Variants in ADAMTSL1 observed in about 807,000 individuals in gnomAD.
ADAMTSL1 encodes ADAMTS like 1.
ADAMTSL1 carries 126 observed loss-of-function variants against 201.8 expected under a neutral mutation model. The observed-to-expected ratio is 0.62, with a 90% CI of 0.54 to 0.72. The LOEUF (loss-of-function observed/expected upper bound fraction) is 0.72, where lower values mean the gene tolerates loss of function less well. Among genes scored for constraint, ADAMTSL1 ranks in the 30% least tolerant of loss-of-function variants. The pLI is 0.00. For missense variants in ADAMTSL1, 2,679 were observed against 2,277.8 expected, an observed-to-expected ratio of 1.18 and a Z score of -3.59; for synonymous variants, 1,121 against 903.4, an observed-to-expected ratio of 1.24 and a Z score of -4.32.
rs570297179 is a variant in ADAMTSL1, at chr9:18,190,979, C to G, written c.207+26998C>G. On this transcript the variant is annotated intron_variant, in intron 2 of 29. Coordinates refer to the ADAMTSL1 transcript ENST00000680146. ...GGTGTCAAAATAATCCAAATTTCCA[C>G]AAGAAATCTAGAATGATGTTACAAG... Among the ~76,000 whole-genome samples the G allele has an allele frequency of 5.3e-5, 8 of 152,262 alleles. 1 individual carries two copies. The South Asian group carries it at 1.7e-3, about 32-fold the overall frequency.
At chr9:18,688,845 T>A (rs1014145475) in intron 13 of ADAMTSL1, among the ~76,000 whole-genome samples, 5 of 150,416 alleles carry the variant, frequency 3.3e-5, no homozygotes, top group African/African-American at 1.2e-4. Flanking sequence ...CTACAATTAC[T>A]AAGACTCTGG....
chr9:18,538,672 C>T (rs982948422), intron 3 of ADAMTSL1, among the ~76,000 whole-genome samples: 6 of 152,118 alleles, frequency 3.9e-5, no homozygotes, highest in East Asian at 1.9e-4. Flanking sequence ...ATTGACCATC[C>T]ATCTTGACTG....
At chr9:18,117,847 A>G (rs1197760997) in intron 1 of ADAMTSL1, among the ~76,000 whole-genome samples, 10 of 152,170 alleles carry the variant, frequency 6.6e-5, no homozygotes, top group African/African-American at 2.2e-4. Context: ...TTCTAATAAA[A>G]CCATGCATAG....
At chr9:18,180,266 G>A (rs565101355) in intron 2 of ADAMTSL1, among the ~76,000 whole-genome samples, 57 of 152,310 alleles carry the variant, frequency 3.7e-4, no homozygotes, top group Admixed American at 3.2e-3. Context: ...GGGCACGGTG[G>A]CTCACGCCTG....
intron 2 of ADAMTSL1, among the ~76,000 whole-genome samples, chr9:18,376,567 G>A (rs991227645): frequency 2.0e-5 from 3 of 152,224 alleles, no homozygotes; most frequent in African/African-American, 7.2e-5. Flanking sequence ...CACTTTGGGA[G>A]GCCGAGGTGG....
chr9:18,322,674 G>A (rs981348944), intron 2 of ADAMTSL1, among the ~76,000 whole-genome samples: 3 of 151,868 alleles, frequency 2.0e-5, no homozygotes, highest in Admixed American at 6.6e-5. Flanking sequence ...AAGAAAAACC[G>A]TTAGCAATAC....
intron 2 of ADAMTSL1, among the ~76,000 whole-genome samples, chr9:18,451,267 G>C (rs913375721): frequency 6.6e-6 from 1 of 151,984 alleles, no homozygotes; most frequent in Non-Finnish European, 1.5e-5. Context: ...CAATGTAAAG[G>C]GCATACTAGT....
intron 8 of ADAMTSL1, among the ~76,000 whole-genome samples, chr9:18,658,147 T>TGTATTTTTA (rs1428660667): frequency 6.6e-6 from 1 of 152,174 alleles, no homozygotes; most frequent in Non-Finnish European, 1.5e-5. Context: ...GCTAATTTTT[T>TGTATTTTTA]GTATTTTTAG....
chr9:18,889,079 C>A (rs1308742673), intron 24 of ADAMTSL1, among the ~76,000 whole-genome samples: 3 of 152,194 alleles, frequency 2.0e-5, no homozygotes, highest in Non-Finnish European at 4.4e-5. Flanking sequence ...TGTAAATAAG[C>A]ACTCTCTGCA....
intron 20 of ADAMTSL1, among the ~76,000 whole-genome samples, chr9:18,805,994 C>T (rs904161141): frequency 2.6e-5 from 4 of 152,198 alleles, no homozygotes; most frequent in African/African-American, 9.6e-5. Flanking sequence ...CCTAAACTGC[C>T]TTAGCCAAAC....
At chr9:18,663,512 T>G (rs562433293) in intron 9 of ADAMTSL1, among the ~76,000 whole-genome samples, 1 of 152,296 alleles carries the variant, frequency 6.6e-6, no homozygotes, top group African/African-American at 2.4e-5. Context: ...GATTTCATTT[T>G]AAAATTATTC....
intron 2 of ADAMTSL1, among the ~76,000 whole-genome samples, chr9:18,199,488 C>A (rs1030397405): frequency 5.3e-5 from 8 of 151,886 alleles, no homozygotes; most frequent in Non-Finnish European, 8.8e-5. Flanking sequence ...TAATATAGGG[C>A]AATGAAAGAA....
intron 2 of ADAMTSL1, among the ~76,000 whole-genome samples, chr9:18,170,991 A>C (rs1301572716): frequency 1.3e-5 from 2 of 152,138 alleles, no homozygotes; most frequent in Non-Finnish European, 2.9e-5. Flanking sequence ...AAATGGAGAG[A>C]TATAAAATGT....
intron 1 of ADAMTSL1, among the ~76,000 whole-genome samples, chr9:18,046,128 G>C (rs1349773547): frequency 6.6e-6 from 1 of 152,184 alleles, no homozygotes; most frequent in Non-Finnish European, 1.5e-5. Context: ...GGAATGGCAA[G>C]TTGAGGCTAA....
chr9:18,233,511 G>C (rs1276467543), intron 2 of ADAMTSL1, among the ~76,000 whole-genome samples: 2 of 152,084 alleles, frequency 1.3e-5, no homozygotes, highest in African/African-American at 4.8e-5. Flanking sequence ...TCGGATGCCT[G>C]CTGTATGCCA....
intron 2 of ADAMTSL1, among the ~76,000 whole-genome samples, chr9:18,367,688 C>G (rs980056218): frequency 6.6e-6 from 1 of 151,946 alleles, no homozygotes; most frequent in Non-Finnish European, 1.5e-5. Context: ...ATTATTATCA[C>G]CATTTTGAAC....
intron 4 of ADAMTSL1, among the ~76,000 whole-genome samples, chr9:18,609,973 AGTT>A (rs1220622140): frequency 6.6e-6 from 1 of 152,210 alleles, no homozygotes; most frequent in Non-Finnish European, 1.5e-5. Flanking sequence ...ATCCAGGTTG[AGTT>A]GTTGGTTGCA....
intron 1 of ADAMTSL1, among the ~76,000 whole-genome samples, chr9:17,943,709 A>T (rs1188620882): frequency 6.6e-6 from 1 of 152,094 alleles, no homozygotes; most frequent in South Asian, 2.1e-4. Context: ...GCTATTTTAC[A>T]TTAAATTCTA....
chr9:18,020,199 C>A (rs1244915880), intron 1 of ADAMTSL1, among the ~76,000 whole-genome samples: 1 of 151,954 alleles, frequency 6.6e-6, no homozygotes, highest in Admixed American at 6.6e-5. Flanking sequence ...GGATGTGAAT[C>A]ATTGGGGGTT....
Sources: gnomAD v4.1 joint callset for allele counts (sites outside exome capture counted in the v4.1 genomes callset) on GRCh38, gnomAD v4.1.1 for gene constraint, MANE v1.5 for transcripts, NCBI Gene and HGNC (gene_info 2026-07-23, HGNC 2026-07-21) for gene names.